Variants in TENM3 observed in about 807,000 individuals in gnomAD.
TENM3 encodes the protein teneurin transmembrane protein 3.
In TENM3, 63 loss-of-function variants were observed where a neutral mutation model predicts 255.1. The ratio of observed to expected loss-of-function variants is 0.25; its 90% CI spans 0.20 to 0.30. The LOEUF is 0.30. Among genes scored for constraint, TENM3 ranks in the 10% least tolerant of loss-of-function variants. The probability of loss-of-function intolerance (pLI) is 1.00; values close to 1 mark genes in which losing one functional copy is unlikely to be tolerated. For synonymous variants in TENM3, 1,306 were observed against 1,322.3 expected, an observed-to-expected ratio of 0.99 and a Z score of 0.27; for missense variants, 2,929 against 3,461.1, an observed-to-expected ratio of 0.85 and a Z score of 3.86.
the TENM3 span, among the ~76,000 whole-genome samples, chr4:181,577,054 AAATT>A: frequency 2.5e-5 from 3 of 121,272 alleles, no homozygotes; most frequent in Non-Finnish European, 1.7e-5. Context: ...ATATAATAAT[AAATT>A]ATATATTATA....
At chr4:182,397,648 G>A (rs1768935087) in intron 3 of TENM3, among the ~76,000 whole-genome samples, 1 of 152,114 alleles carries the variant, frequency 6.6e-6, no homozygotes, top group Non-Finnish European at 1.5e-5. Context: ...AAGCAATGGA[G>A]CTGGTATTAA....
chr4:181,795,666 C>G, the TENM3 span, among the ~76,000 whole-genome samples: 1 of 152,204 alleles, frequency 6.6e-6, no homozygotes, highest in East Asian at 1.9e-4. Context: ...CAAATATTTT[C>G]CCAACTGATA....
At chr4:181,954,928 C>G in the TENM3 span, among the ~76,000 whole-genome samples, 4 of 152,176 alleles carry the variant, frequency 2.6e-5, no homozygotes, top group Non-Finnish European at 4.4e-5. Context: ...TATATATACA[C>G]TTATACACAT....
the TENM3 span, among the ~76,000 whole-genome samples, chr4:182,135,181 G>C: frequency 7.7e-6 from 1 of 130,070 alleles, no homozygotes. Flanking sequence ...GCTCCAGCCT[G>C]GTAGCAGGGT....
the TENM3 span, among the ~76,000 whole-genome samples, chr4:181,553,591 G>A: frequency 8.6e-5 from 13 of 151,980 alleles, no homozygotes; most frequent in African/African-American, 1.4e-4. Flanking sequence ...ACGGGTGCCT[G>A]CCACCACGCC....
chr4:182,766,892 C>T (rs958161371), intron 22 of TENM3, among the ~76,000 whole-genome samples: 1 of 152,164 alleles, frequency 6.6e-6, no homozygotes, highest in Non-Finnish European at 1.5e-5. Context: ...AACACCCACC[C>T]CATACAATTC....
At chr4:181,852,063 C>T in the TENM3 span, among the ~76,000 whole-genome samples, 2 of 152,198 alleles carry the variant, frequency 1.3e-5, no homozygotes, top group South Asian at 2.1e-4. Flanking sequence ...ACTCAGGGCA[C>T]GTCTTTCCAG....
the TENM3 span, among the ~76,000 whole-genome samples, chr4:181,615,482 T>A: frequency 6.6e-6 from 1 of 152,198 alleles, no homozygotes; most frequent in Non-Finnish European, 1.5e-5. Flanking sequence ...GTTATAACCA[T>A]GTGCCCTTGA....
At chr4:182,217,272 C>A (rs1435296550) in intron 1 of TENM3, among the ~76,000 whole-genome samples, 1 of 151,924 alleles carries the variant, frequency 6.6e-6, no homozygotes. Flanking sequence ...CCACCCACCT[C>A]GGCTTCCCAA....
At chr4:181,797,072 C>A in the TENM3 span, among the ~76,000 whole-genome samples, 1 of 151,956 alleles carries the variant, frequency 6.6e-6, no homozygotes, top group Non-Finnish European at 1.5e-5. Context: ...CAGTCCACAA[C>A]GTTTTACTAT....
chr4:181,487,466 C>T, the TENM3 span, among the ~76,000 whole-genome samples: 1 of 152,106 alleles, frequency 6.6e-6, no homozygotes, highest in Non-Finnish European at 1.5e-5. Flanking sequence ...CTGGTAAAGG[C>T]CCTCTTCCTG....
chr4:181,760,519 G>A, the TENM3 span, among the ~76,000 whole-genome samples: 1 of 152,094 alleles, frequency 6.6e-6, no homozygotes, highest in Non-Finnish European at 1.5e-5. Context: ...TATATTATTT[G>A]TAGTTTAATT....
intron 12 of TENM3, among the ~76,000 whole-genome samples, chr4:182,704,842 T>G (rs1758156344): frequency 7.7e-6 from 1 of 130,526 alleles, no homozygotes. Flanking sequence ...TTTTTTTTTT[T>G]GCTGACACCA....
chr4:182,790,693 A>C (rs1766034845), intron 25 of TENM3, among the ~76,000 whole-genome samples: 1 of 152,192 alleles, frequency 6.6e-6, no homozygotes, highest in South Asian at 2.1e-4. Context: ...CCCCTAACGC[A>C]ATGTTTCTAA....
the TENM3 span, among the ~76,000 whole-genome samples, chr4:181,666,149 CAAATT>C: frequency 6.6e-6 from 1 of 151,966 alleles, no homozygotes; most frequent in African/African-American, 2.4e-5. Context: ...AATACATACG[CAAATT>C]AAGTAAAGTC....
chr4:181,863,092 A>G, the TENM3 span, among the ~76,000 whole-genome samples: 1 of 151,722 alleles, frequency 6.6e-6, no homozygotes, highest in South Asian at 2.1e-4. Flanking sequence ...TACATTCTTA[A>G]CTTTTATAAG....
intron 12 of TENM3, chr4:182,707,746 G>T (rs150165350): frequency 6.6e-6 from 1 of 152,304 alleles, no homozygotes; most frequent in South Asian, 2.1e-4. Flanking sequence ...CTTGAAACCC[G>T]AATACTTGCC....
At chr4:182,556,297 A>G (rs1160731000) in intron 3 of TENM3, among the ~76,000 whole-genome samples, 1 of 152,220 alleles carries the variant, frequency 6.6e-6, no homozygotes, top group African/African-American at 2.4e-5. Context: ...TTGCTTAAGC[A>G]CCAGCTAGCT....
At chr4:181,927,170 C>T in the TENM3 span, among the ~76,000 whole-genome samples, 1 of 152,294 alleles carries the variant, frequency 6.6e-6, no homozygotes, top group East Asian at 1.9e-4. Context: ...GAACCGTTCA[C>T]TTCCCCAGAA....
Sources: allele counts gnomAD v4.1 joint callset (sites outside exome capture counted in the v4.1 genomes callset), GRCh38; gene constraint gnomAD v4.1.1; transcripts MANE v1.5; gene names NCBI Gene and HGNC (gene_info 2026-07-23, HGNC 2026-07-21).